EFR3B: variants seen among roughly 807,000 people sequenced by gnomAD.
EFR3B encodes the protein protein EFR3 homolog B.
In EFR3B, 64 loss-of-function variants were observed where a neutral mutation model predicts 104.7. That is an observed-to-expected ratio of 0.61 (90% CI 0.50 to 0.75). The LOEUF (loss-of-function observed/expected upper bound fraction) is 0.75. Among genes scored for constraint, EFR3B ranks in the 30% least tolerant of loss-of-function variants. The pLI, the probability that EFR3B is intolerant of heterozygous loss-of-function variation, is 0.00. For missense variants in EFR3B, 750 were observed against 1,078.5 expected, an observed-to-expected ratio of 0.70 and a Z score of 4.27; for synonymous variants, 385 against 417.9, an observed-to-expected ratio of 0.92 and a Z score of 0.96.
intron 4 of EFR3B, 37 bp downstream of exon 4, chr2:25,103,824 C>T (rs1002239262): frequency 4.5e-6 from 7 of 1,548,354 alleles, no homozygotes; most frequent in East Asian, 2.4e-5. Flanking sequence ...GTCTCCCAGC[C>T]GCATCCTGGG....
Position 25,042,230 on chromosome 2 carries a change from T to G in EFR3B, c.-83T>G. ...CCGCCGCCAGTCCCCGCCCCGACTG[T>G]GAATGAAAGGCGGGCGCCGCCGAGG... On this transcript the variant is annotated 5_prime_UTR_variant, in exon 1 of 23. Transcript: ENST00000403714. The surrounding 1 kb of genome is among the most constrained non-coding windows in gnomAD (Gnocchi z 5.4). The G allele has an allele frequency of 8.8e-6, 11 of 1,252,398 alleles. No individual in the cohort carries two copies. Among genetic ancestry groups the G allele is most frequent in the Admixed American group, 3.9e-5 (1 of 25,938 alleles). 77.6% of individuals were successfully genotyped at this position (1,252,398 alleles called of 1,614,324 possible).
intron 1 of EFR3B, among the ~76,000 whole-genome samples, chr2:25,055,813 G>A (rs966474495): frequency 1.3e-5 from 2 of 152,176 alleles, no homozygotes; most frequent in Non-Finnish European, 2.9e-5. Context: ...AAGCATACAG[G>A]GTGGATGCTG....
chr2:25,121,935 C>A, intron 5 of EFR3B, 141 bp downstream of exon 5: 1 of 1,125,444 alleles, frequency 8.9e-7, no homozygotes, highest in Non-Finnish European at 1.2e-6. Flanking sequence ...GCAGGTGGGC[C>A]AGCACCCAGC....
rs185581164 is a variant in EFR3B, at chr2:25,097,946, G to A, written c.212+4816G>A. 2.0e-3 allele frequency among the ~76,000 whole-genome samples: 311 copies of A among 152,208 alleles called. 1 individual carries two copies. Among genetic ancestry groups the A allele is most frequent in the African/African-American group, 6.2e-3 (259 of 41,530 alleles). On this transcript the variant is annotated intron_variant, in intron 3 of 22. Coordinates refer to ENST00000403714, the MANE Select transcript of EFR3B (RefSeq NM_014971.2). ...CACCCAGCCAGGACCAAGCCCTGGC[G>A]GATGGAGATGGCCATGCCAGAGGGT...
rs531281840 is a variant in EFR3B, at chr2:25,156,232, A to C, written c.*1892A>C. The C allele has an allele frequency of 1.2e-4, 18 of 151,762 alleles. No homozygotes were observed. The East Asian group carries it at 3.5e-3, about 29-fold the overall frequency. The allele number at this position is 151,762 out of a possible 1,614,324, so 9.4% of individuals were successfully genotyped here. ...TCATTCCCATAGTTTTGGCACTTCA[A>C]ATGAAGCTCTTCCTTGTGGTCACCA... On this transcript the variant is annotated 3_prime_UTR_variant, in exon 23 of 23. Coordinates refer to ENST00000403714, the MANE Select transcript of EFR3B (RefSeq NM_014971.2).
intron 1 of EFR3B, among the ~76,000 whole-genome samples, chr2:25,053,929 C>G (rs1667951515): frequency 6.6e-6 from 1 of 152,104 alleles, no homozygotes; most frequent in Non-Finnish European, 1.5e-5. Context: ...AACCAAAAAA[C>G]ACACAAACAA....
intron 4 of EFR3B, among the ~76,000 whole-genome samples, chr2:25,105,984 A>G (rs1669552014): frequency 1.3e-5 from 2 of 152,230 alleles, no homozygotes; most frequent in African/African-American, 4.8e-5. Flanking sequence ...GAGTTAAGTC[A>G]AATATTTGCA....
intron 4 of EFR3B, among the ~76,000 whole-genome samples, chr2:25,113,963 T>G (rs1669793656): frequency 6.6e-6 from 1 of 152,090 alleles, no homozygotes; most frequent in Non-Finnish European, 1.5e-5. Flanking sequence ...TACTAATAAT[T>G]AGGATTCAAA....
At chr2:25,054,382 C>T (rs946656176) in intron 1 of EFR3B, among the ~76,000 whole-genome samples, 2 of 151,746 alleles carry the variant, frequency 1.3e-5, no homozygotes, top group Admixed American at 1.3e-4. Flanking sequence ...AGTACAGTGG[C>T]ATGATCTCAC....
chr2:25,143,792 C>G lies in EFR3B; in HGVS notation c.1980C>G (p.Ile660Met). The G allele has an allele frequency of 1.3e-6, 2 of 1,551,662 alleles. No individual in the cohort carries two copies. The highest frequency in any genetic ancestry group is 1.7e-6 in the Non-Finnish European group (2 of 1,146,988). ...AGCTCCTCTTCCGCCAGAGCAAGAT[C>G]AGTGAAGTCCTGGGAGGCAGTGGCT... is the stretch of plus-strand genomic sequence containing the variant. ...VIELLFRQSK[I>M]SEVLGGSGYN... The change falls in exon 18 of 23, where the codon ATC becomes ATG. Residue 660 changes from isoleucine (I) to methionine (M), a missense_variant. Transcript: ENST00000403714.
At chr2:25,090,580 C>T (rs868277696) in intron 1 of EFR3B, among the ~76,000 whole-genome samples, 4 of 152,336 alleles carry the variant, frequency 2.6e-5, no homozygotes, top group Admixed American at 6.5e-5. Flanking sequence ...GCAAACCTCA[C>T]TGGGGGCCAG....
intron 1 of EFR3B, among the ~76,000 whole-genome samples, chr2:25,063,970 G>A (rs1221293534): frequency 6.6e-6 from 1 of 152,180 alleles, no homozygotes; most frequent in African/African-American, 2.4e-5. Flanking sequence ...GCCCATGCGC[G>A]GTAGAGCTGC....
intron 4 of EFR3B, among the ~76,000 whole-genome samples, chr2:25,118,770 G>A (rs898760955): frequency 6.8e-6 from 1 of 147,298 alleles, no homozygotes; most frequent in African/African-American, 2.5e-5. Context: ...GCAGGGCGTG[G>A]TGGTTCACAC....
intron 4 of EFR3B, among the ~76,000 whole-genome samples, chr2:25,107,043 G>T (rs2149193379): frequency 6.6e-6 from 1 of 152,304 alleles, no homozygotes; most frequent in Middle Eastern, 3.4e-3. Flanking sequence ...TGTAGAGATG[G>T]GACGCCAAGA....
intron 1 of EFR3B, among the ~76,000 whole-genome samples, chr2:25,076,993 T>C (rs1371606617): frequency 6.6e-6 from 1 of 152,180 alleles, no homozygotes. Flanking sequence ...TTCCCCAAAT[T>C]CATTTTCATC....
intron 1 of EFR3B, among the ~76,000 whole-genome samples, chr2:25,074,426 G>A (rs898109421): frequency 4.6e-5 from 7 of 152,056 alleles, no homozygotes; most frequent in African/African-American, 1.4e-4. Context: ...TTAGCCAGGC[G>A]TGGTGGTGTG....
intron 21 of EFR3B, among the ~76,000 whole-genome samples, chr2:25,153,357 T>A (rs1340831152): frequency 6.6e-6 from 1 of 150,972 alleles, no homozygotes; most frequent in Non-Finnish European, 1.5e-5. Flanking sequence ...CCTTCTCAAT[T>A]AAAAAAAAGA....
intron 5 of EFR3B, among the ~76,000 whole-genome samples, chr2:25,127,214 AAAGC>A (rs1670192014): frequency 6.6e-6 from 1 of 151,192 alleles, no homozygotes. Flanking sequence ...AAAAAAAAAA[AAAGC>A]AAAACATTTG....
rs960085529 is a variant in EFR3B, at chr2:25,097,793, C to T, written c.212+4663C>T. ...CCAATGCGAGTAAATCCCCTAGAAACGAAGGGAGAGCAGGGGAGGGAACAG... is the reference window on the plus strand; with the variant it reads ...CCAATGCGAGTAAATCCCCTAGAAATGAAGGGAGAGCAGGGGAGGGAACAG... On this transcript the variant is annotated intron_variant, in intron 3 of 22. Transcript: ENST00000403714. Among the ~76,000 whole-genome samples, 8 of 152,210 alleles carry T rather than the reference C, an allele frequency of 5.3e-5. No homozygotes were observed. The South Asian group carries it at 1.0e-3, about 20-fold the overall frequency.
Sources: gnomAD v4.1 joint callset for allele counts (sites outside exome capture counted in the v4.1 genomes callset) on GRCh38, gnomAD v4.1.1 for gene constraint, Gnocchi (gnomAD v3.1) non-coding constraint, MANE v1.5 for transcripts, NCBI Gene and HGNC (gene_info 2026-07-23, HGNC 2026-07-21) for gene names.